Variants in SDF4 observed in about 807,000 individuals in gnomAD.
SDF4 encodes the protein 45 kDa calcium-binding protein.
SDF4 carries 22 observed loss-of-function variants against 34.2 expected under a neutral mutation model. The observed-to-expected ratio is 0.64, with a 90% confidence interval of 0.46 to 0.92. The LOEUF (loss-of-function observed/expected upper bound fraction) is 0.92. Among genes scored for constraint, SDF4 ranks in the 40% least tolerant of loss-of-function variants. The probability of loss-of-function intolerance (pLI) is 0.00; values close to 1 mark genes in which losing one functional copy is unlikely to be tolerated. For synonymous variants in SDF4, 236 were observed against 203.1 expected, an observed-to-expected ratio of 1.16 and a Z score of -1.38; for missense variants, 447 against 499.9, an observed-to-expected ratio of 0.89 and a Z score of 1.01.
At chr1:1,231,487 C>G (rs1277421966) in intron 1 of SDF4, among the ~76,000 whole-genome samples, 1 of 152,274 alleles carries the variant, frequency 6.6e-6, no homozygotes, top group Non-Finnish European at 1.5e-5. Flanking sequence ...GCCGACTTCA[C>G]ATCTCCAAAT....
intron 2 of SDF4, 40 bp downstream of exon 2, chr1:1,228,428 C>A (rs764292103): frequency 6.7e-7 from 1 of 1,495,558 alleles, no homozygotes; most frequent in South Asian, 1.4e-5. Context: ...GGCGAGCGCA[C>A]GCGGACAGCC....
At chr1:1,221,006 G>A (rs968396056) in intron 4 of SDF4, 4 of 348,582 alleles carry the variant, frequency 1.1e-5, no homozygotes, top group African/African-American at 4.3e-5. Context: ...TGTAATCCCG[G>A]CATGCTGGGA....
rs140436324 is a variant in SDF4 at position 1,225,442 on chromosome 1, G to A, written c.306-1474C>T. The stretch of plus-strand genomic sequence containing the variant: ...AAGCTTCGAGGGTGCACACACCGCA[G>A]GCACGGCTCAGAAGCACTGGGCAGA... On this transcript the variant is annotated intron_variant, in intron 2 of 6. Transcript: ENST00000360001. Among the ~76,000 whole-genome samples the A allele has an allele frequency of 6.8e-4, 104 of 152,336 alleles. 1 individual carries two copies. Among genetic ancestry groups the A allele is most frequent in the African/African-American group, 2.3e-3 (95 of 41,574 alleles).
rs1014528261 is a variant in SDF4, at chr1:1,218,046, A to G, written c.892-358T>C. Among the ~76,000 whole-genome samples the G allele has an allele frequency of 6.6e-6, 1 of 152,010 alleles. No individual in the cohort carries two copies. Among genetic ancestry groups the G allele is most frequent in the Non-Finnish European group, 1.5e-5 (1 of 67,848 alleles). Reference sequence around the variant, plus strand: ...CAGTGGGAGAAAAACAAGCCTACACATGATACCAGTGAAAACGCTTCAGAG... The same window carrying G: ...CAGTGGGAGAAAAACAAGCCTACACGTGATACCAGTGAAAACGCTTCAGAG... On this transcript the variant is annotated intron_variant, in intron 6 of 6. Transcript: ENST00000360001. This position sits in a 1 kb window ranked among gnomAD's most constrained non-coding sequence, Gnocchi z 7.9.
intron 4 of SDF4, chr1:1,219,239 C>A: frequency 9.1e-7 from 1 of 1,100,788 alleles, no homozygotes; most frequent in Non-Finnish European, 1.1e-6. Flanking sequence ...ACATGGATGG[C>A]CCTGACTCCC....
At chr1:1,226,549 G>A (rs780468892) in intron 2 of SDF4, among the ~76,000 whole-genome samples, 2 of 152,264 alleles carry the variant, frequency 1.3e-5, no homozygotes, top group Non-Finnish European at 2.9e-5. Flanking sequence ...GAGGAGACAG[G>A]ACAGCTGAGT....
chr1:1,228,204 G>A (rs1638372332), intron 2 of SDF4, among the ~76,000 whole-genome samples: 1 of 152,232 alleles, frequency 6.6e-6, no homozygotes, highest in Admixed American at 6.5e-5. Context: ...CCTCCAGGCT[G>A]TCCTAGGGAC....
chr1:1,230,247 C>G (rs1159887333), intron 1 of SDF4, among the ~76,000 whole-genome samples: 1 of 152,228 alleles, frequency 6.6e-6, no homozygotes, highest in African/African-American at 2.4e-5. Flanking sequence ...CTTCACTGTT[C>G]TGGCACCTGC....
In SDF4 at chr1:1,218,918, A is replaced by G. The variant is rs748022541; in HGVS notation, c.566T>C (p.Val189Ala). Residue 189 changes from valine (V) to alanine (A), a missense_variant, in exon 5 of 7, where the codon GTC becomes GCC. Coordinates refer to ENST00000360001, the MANE Select transcript of SDF4 (RefSeq NM_016176.6). The surrounding 1 kb of genome is among the most constrained non-coding windows in gnomAD (Gnocchi z 7.9). ...CCAGCGGTCCTTCAGGTTCTCCAGG[A>G]CTTCCTGTGCTGAGAGGGGCGCAGC... Reference protein sequence around the residue: ...ELKVDEETQEVLENLKDRWYQ... With the variant: ...ELKVDEETQEALENLKDRWYQ... 6 of 1,605,642 alleles carry G rather than the reference A, an allele frequency of 3.7e-6. No homozygotes were observed. Among genetic ancestry groups the G allele is most frequent in the Non-Finnish European group, 5.1e-6 (6 of 1,175,180 alleles).
At position 1,217,506 on chromosome 1, in the gene SDF4, G is replaced by A. The variant is rs373727311; in HGVS notation, c.*6C>T. 196 of 1,569,050 alleles carry A rather than the reference G, an allele frequency of 1.2e-4. No homozygotes were observed. Among genetic ancestry groups the A allele is most frequent in the Non-Finnish European group, 1.5e-4 (179 of 1,157,096 alleles). On this transcript the variant is annotated 3_prime_UTR_variant, in exon 7 of 7. Coordinates refer to ENST00000360001, the MANE Select transcript of SDF4 (RefSeq NM_016176.6). This position sits in a 1 kb window ranked among gnomAD's most constrained non-coding sequence, Gnocchi z 8.5. ...GTGGGGGGCGGCGCGGGGCGCGGCCGGGCGCTCAAAACTCCTCGTGCACGC... is the reference window on the plus strand; with the variant it reads ...GTGGGGGGCGGCGCGGGGCGCGGCCAGGCGCTCAAAACTCCTCGTGCACGC...
intron 3 of SDF4, 146 bp from the exon 4 acceptor site, chr1:1,223,503 A>G (rs948991936): frequency 5.9e-6 from 4 of 673,016 alleles, no homozygotes; most frequent in South Asian, 1.9e-5. Flanking sequence ...AGCACCCCAC[A>G]CCCGTTTCCT....
At chr1:1,220,581 C>G (rs1208091324) in intron 4 of SDF4, 188 of 1,283,654 alleles carry the variant, frequency 1.5e-4, no homozygotes, top group Non-Finnish European at 1.9e-4. Flanking sequence ...CAAGACGGAT[C>G]GGACACGGGT....
At chr1:1,221,124 G>T (rs1303915645) in intron 4 of SDF4, 9 of 276,478 alleles carry the variant, frequency 3.3e-5, no homozygotes, top group African/African-American at 2.0e-4. Context: ...GCAGGATTTA[G>T]AACGGACAGG....
intron 3 of SDF4, 49 bp from the exon 4 acceptor site, chr1:1,223,406 T>G (rs770947502): frequency 2.1e-5 from 28 of 1,312,180 alleles, no homozygotes; most frequent in South Asian, 1.4e-4. Flanking sequence ...TGAGCTGAAC[T>G]TCCTTCTCAA....
chr1:1,220,926 G>C (rs1029117921), intron 4 of SDF4: 1 of 397,378 alleles, frequency 2.5e-6, no homozygotes, highest in Admixed American at 3.3e-5. Context: ...GTGTGGGGAG[G>C]AAAATGTAAA....
chr1:1,223,816 G>T lies in SDF4; in HGVS notation c.442+16C>A. On this transcript the variant is annotated intron_variant, in intron 3 of 6. Coordinates refer to ENST00000360001, the MANE Select transcript of SDF4 (RefSeq NM_016176.6). ...CCCCGCCCACCGCCCCACCCACCCC[G>T]GCCCAGCCACAGTACCGTCCCCGTC... 3 of 115,052 alleles carry T rather than the reference G, an allele frequency of 2.6e-5. No homozygotes were observed. The highest frequency in any genetic ancestry group is 4.4e-5 in the Non-Finnish European group (3 of 68,198). The allele number at this position is 115,052 out of a possible 1,614,324, so 7.1% of individuals were successfully genotyped here.
chr1:1,228,805 C>G lies in SDF4; in HGVS notation c.-33G>C. 1 of 1,570,822 alleles carries G rather than the reference C, an allele frequency of 6.4e-7. No individual in the cohort carries two copies. Among genetic ancestry groups the G allele is most frequent in the Admixed American group, 1.8e-5 (1 of 55,074 alleles). On this transcript the variant is annotated 5_prime_UTR_variant, in exon 2 of 7. Transcript: ENST00000360001. ...CAGGGCCAGACCATGGGGCGGGCTG[C>G]AGGGTGTGGGCCAGGTGCTGGGAGG...
intron 2 of SDF4, among the ~76,000 whole-genome samples, chr1:1,227,705 C>G (rs1399984265): frequency 6.6e-6 from 1 of 152,184 alleles, no homozygotes; most frequent in African/African-American, 2.4e-5. Context: ...CCGGCCGTGC[C>G]GTAAGGAGTA....
chr1:1,225,112 T>G (rs953480884), intron 2 of SDF4, among the ~76,000 whole-genome samples: 4 of 152,104 alleles, frequency 2.6e-5, no homozygotes, highest in Admixed American at 2.6e-4. Context: ...CCGTCCCAGC[T>G]TCAGAGCTCG....
Sources: gnomAD v4.1 joint callset for allele counts (sites outside exome capture counted in the v4.1 genomes callset) on GRCh38, gnomAD v4.1.1 for gene constraint, Gnocchi (gnomAD v3.1) non-coding constraint, MANE v1.5 for transcripts, NCBI Gene and HGNC (gene_info 2026-07-23, HGNC 2026-07-21) for gene names.